PLD5: variants seen among roughly 807,000 people sequenced by gnomAD.
PLD5 encodes inactive phospholipase D5.
Under a neutral mutation model 61.1 loss-of-function variants are expected in PLD5, and 36 were observed. That is an observed-to-expected ratio of 0.59 (90% confidence interval 0.45 to 0.78). PLD5 has a LOEUF of 0.78. PLD5 is among the 30% of genes least tolerant of loss of function. PLD5 has a pLI of 0.00. For synonymous variants in PLD5, 243 were observed against 242.8 expected (o/e 1.00, Z -0.01); for missense variants, 515 against 644.4 (o/e 0.80, Z 2.17).
chr1:242,132,906 G>C (rs1663401935), intron 5 of PLD5, among the ~76,000 whole-genome samples: 2 of 152,012 alleles, frequency 1.3e-5, no homozygotes, highest in Admixed American at 6.6e-5. Context: ...ATAGGGTCTG[G>C]AGGAAGGGAA....
chr1:242,305,567 T>TC (rs1389741904), intron 2 of PLD5, among the ~76,000 whole-genome samples: 1 of 152,040 alleles, frequency 6.6e-6, no homozygotes, highest in Non-Finnish European at 1.5e-5. Context: ...TCTTATTTTT[T>TC]TTTCTTTTTT....
chr1:242,460,237 C>G (rs1462316462), intron 1 of PLD5, among the ~76,000 whole-genome samples: 1 of 152,198 alleles, frequency 6.6e-6, no homozygotes, highest in Non-Finnish European at 1.5e-5. Context: ...AAATCCCTCA[C>G]TAACCTACCC....
In PLD5 at chr1:242,308,537, A is replaced by T. The variant is rs1676510041; in HGVS notation, c.327-20007T>A. 4.6e-5 allele frequency among the ~76,000 whole-genome samples: 7 copies of T among 152,214 alleles called. 1 individual carries two copies. In the South Asian group the frequency reaches 1.4e-3, roughly 32 times the overall value. On this transcript the variant is annotated intron_variant, in intron 2 of 9. Transcript: ENST00000536534. ...AACATATTAAAATTATTACAAATCT[A>T]GTTGTATGTACAGAAGTGAGTGTGC...
chr1:242,083,106 A>C lies in PLD5; in HGVS notation c.*6748T>G, dbSNP rs1283454967. 6.6e-6 allele frequency: 1 copy of C among 152,160 alleles called. No homozygotes were observed. The highest frequency in any genetic ancestry group is 1.5e-5 in the Non-Finnish European group (1 of 68,030). 9.4% of individuals were successfully genotyped at this position (152,160 alleles called of 1,614,324 possible). Reference sequence around the variant, plus strand: ...AGTCAAGTATTTCTCCAGTAAGCTAAGAGCAGAATGGTGAATCAACAAGAC... The same window carrying C: ...AGTCAAGTATTTCTCCAGTAAGCTACGAGCAGAATGGTGAATCAACAAGAC... On this transcript the variant is annotated 3_prime_UTR_variant, in exon 10 of 10. Transcript: ENST00000536534.
chr1:242,305,406 C>T (rs1021722475), intron 2 of PLD5, among the ~76,000 whole-genome samples: 18 of 152,130 alleles, frequency 1.2e-4, no homozygotes, highest in African/African-American at 9.7e-5. Flanking sequence ...ACACACATTC[C>T]TTAACTTTCT....
In PLD5 at chr1:242,382,896, G is replaced by A. The variant is rs147955460; in HGVS notation, c.190-34654C>T. 3.3e-5 allele frequency among the ~76,000 whole-genome samples: 5 copies of A among 152,180 alleles called. No individual in the cohort carries two copies. The East Asian group carries it at 9.6e-4, about 29-fold the overall frequency. ...AGGTTTTACATCTCTTCTGTTAAATGTCTTCAAGGACTGATATGTCTTTAG... is the reference window on the plus strand; with the variant it reads ...AGGTTTTACATCTCTTCTGTTAAATATCTTCAAGGACTGATATGTCTTTAG... On this transcript the variant is annotated intron_variant, in intron 1 of 9. Coordinates refer to ENST00000536534, the MANE Select transcript of PLD5 (RefSeq NM_001372062.1).
chr1:242,304,634 T>G (rs1254506637), intron 2 of PLD5, among the ~76,000 whole-genome samples: 1 of 152,240 alleles, frequency 6.6e-6, no homozygotes, highest in African/African-American at 2.4e-5. Flanking sequence ...ACATTCTATG[T>G]ACACAGAATT....
intron 1 of PLD5, chr1:242,377,085 T>C (rs1214687535): frequency 3.1e-6 from 5 of 1,611,702 alleles, no homozygotes; most frequent in Non-Finnish European, 4.2e-6. Context: ...GCTGGGTTTG[T>C]TCTCCTGTTG....
intron 2 of PLD5, among the ~76,000 whole-genome samples, chr1:242,297,375 T>C (rs1574686546): frequency 1.5e-5 from 2 of 134,738 alleles, no homozygotes; most frequent in Non-Finnish European, 1.6e-5. Context: ...AAGGAAAGCT[T>C]CCCCCCTTTT....
At chr1:242,506,570 G>C (rs1404221126) in intron 1 of PLD5, among the ~76,000 whole-genome samples, 1 of 152,158 alleles carries the variant, frequency 6.6e-6, no homozygotes, top group Non-Finnish European at 1.5e-5. Context: ...CCCAGGCACT[G>C]GTAGAGAGGG....
At chr1:242,199,327 T>C (rs1429073184) in intron 5 of PLD5, among the ~76,000 whole-genome samples, 1 of 152,080 alleles carries the variant, frequency 6.6e-6, no homozygotes, top group African/African-American at 2.4e-5. Context: ...CAATCTTGGC[T>C]CACTGCAATC....
At chr1:242,506,895 T>A (rs914851089) in intron 1 of PLD5, among the ~76,000 whole-genome samples, 4 of 152,158 alleles carry the variant, frequency 2.6e-5, no homozygotes, top group African/African-American at 9.7e-5. Context: ...AGATTCAGCA[T>A]CTGCAAGTGA....
chr1:242,207,093 T>G (rs1669365329), intron 5 of PLD5, among the ~76,000 whole-genome samples: 1 of 152,150 alleles, frequency 6.6e-6, no homozygotes, highest in African/African-American at 2.4e-5. Context: ...CTACACACAA[T>G]ATGGAGCAGA....
chr1:242,296,955 G>A (rs529237240), intron 2 of PLD5, among the ~76,000 whole-genome samples: 1 of 152,240 alleles, frequency 6.6e-6, no homozygotes, highest in East Asian at 1.9e-4. Context: ...TGTGCACCTG[G>A]CATCAAGCAA....
intron 6 of PLD5, among the ~76,000 whole-genome samples, chr1:242,119,680 T>C (rs1322626304): frequency 2.0e-5 from 3 of 152,100 alleles, no homozygotes; most frequent in East Asian, 1.9e-4. Context: ...AAATAACAAG[T>C]GTTGCCGAGG....
chr1:242,508,905 A>AC (rs1228318241), intron 1 of PLD5, among the ~76,000 whole-genome samples: 2 of 152,110 alleles, frequency 1.3e-5, no homozygotes, highest in African/African-American at 4.8e-5. Flanking sequence ...ACGTGGGAAA[A>AC]CCCCATCTCT....
intron 1 of PLD5, among the ~76,000 whole-genome samples, chr1:242,443,626 A>G (rs750097904): frequency 6.6e-6 from 1 of 152,196 alleles, no homozygotes; most frequent in Non-Finnish European, 1.5e-5. Flanking sequence ...AAACAAGTAA[A>G]TGGAAAGGAA....
intron 5 of PLD5, among the ~76,000 whole-genome samples, chr1:242,193,976 G>A (rs1385908918): frequency 2.0e-5 from 3 of 152,126 alleles, no homozygotes; most frequent in Non-Finnish European, 4.4e-5. Context: ...ACAAGCTGTG[G>A]AGCTACTTAG....
chr1:242,486,538 G>A (rs1667967575), intron 1 of PLD5, among the ~76,000 whole-genome samples: 1 of 152,160 alleles, frequency 6.6e-6, no homozygotes, highest in African/African-American at 2.4e-5. Context: ...TTAGAATGGT[G>A]ATAAATAAAA....
Sources: gnomAD v4.1 joint callset for allele counts (sites outside exome capture counted in the v4.1 genomes callset) on GRCh38, gnomAD v4.1.1 for gene constraint, MANE v1.5 for transcripts, NCBI Gene and HGNC (gene_info 2026-07-23, HGNC 2026-07-21) for gene names.